ARFIP1: variants seen among roughly 807,000 people sequenced by gnomAD.
The protein encoded by ARFIP1 is arfaptin-1.
Under a neutral mutation model 42.5 loss-of-function variants are expected in ARFIP1, and 24 were observed. That is an observed-to-expected ratio of 0.57 (90% CI 0.41 to 0.80). The LOEUF (loss-of-function observed/expected upper bound fraction) is 0.80. ARFIP1 is among the 30% of genes least tolerant of loss of function. ARFIP1 has a pLI of 0.00. For missense variants in ARFIP1, 354 were observed against 434.0 expected, an observed-to-expected ratio of 0.82 and a Z score of 1.64; for synonymous variants, 141 against 153.7, an observed-to-expected ratio of 0.92 and a Z score of 0.61.
chr4:152,808,794 C>T (rs145700168), intron 1 of ARFIP1, among the ~76,000 whole-genome samples: 3 of 152,232 alleles, frequency 2.0e-5, no homozygotes, highest in African/African-American at 7.2e-5. Flanking sequence ...TGGAGCCGGG[C>T]GTGGTGGCTT....
intron 1 of ARFIP1, chr4:152,796,230 A>G (rs1731461729): frequency 1.1e-6 from 1 of 898,684 alleles, no homozygotes; most frequent in Admixed American, 1.9e-5. Context: ...TACAGCGGGA[A>G]TGACGGATTC....
At chr4:152,817,280 A>C (rs1381157194) in intron 1 of ARFIP1, among the ~76,000 whole-genome samples, 2 of 152,344 alleles carry the variant, frequency 1.3e-5, no homozygotes, top group African/African-American at 4.8e-5. Context: ...CAGTAGCCAC[A>C]AATAATCTAG....
At chr4:152,902,215 T>C (rs1737895570) in intron 8 of ARFIP1, among the ~76,000 whole-genome samples, 2 of 152,210 alleles carry the variant, frequency 1.3e-5, no homozygotes, top group Admixed American at 6.5e-5. Flanking sequence ...CTTAAGACTG[T>C]ACAAGGCCAA....
intron 1 of ARFIP1, among the ~76,000 whole-genome samples, chr4:152,826,533 C>T (rs558747991): frequency 1.6e-4 from 25 of 152,156 alleles, no homozygotes; most frequent in Middle Eastern, 3.4e-3. Flanking sequence ...TGTACACTAC[C>T]GGGGTGACGG....
intron 2 of ARFIP1, among the ~76,000 whole-genome samples, chr4:152,847,420 A>T (rs1253563885): frequency 6.6e-6 from 1 of 151,934 alleles, no homozygotes; most frequent in Non-Finnish European, 1.5e-5. Context: ...GGCATGAGCC[A>T]CTGCACCCGG....
chr4:152,804,121 T>A (rs187960819), intron 1 of ARFIP1, among the ~76,000 whole-genome samples: 167 of 107,838 alleles, frequency 1.5e-3, no homozygotes, highest in South Asian at 3.7e-3. Context: ...ATAACATGTA[T>A]TATATATTAT....
rs932364090 is a variant in ARFIP1 at position 152,797,791 on chromosome 4, T to C, written c.-10+17565T>C. The stretch of plus-strand genomic sequence containing the variant: ...TTTTGTATGTTAATTATCTTGCTAC[T>C]TCATTGAATTTTATTTTTGAGTTAA... On this transcript the variant is annotated intron_variant, in intron 1 of 8. Transcript: ENST00000353617. 2.6e-5 allele frequency among the ~76,000 whole-genome samples: 4 copies of C among 152,362 alleles called. No individual in the cohort carries two copies. In the South Asian group the frequency reaches 8.3e-4, roughly 32 times the overall value.
intron 8 of ARFIP1, among the ~76,000 whole-genome samples, chr4:152,893,591 A>G (rs1433931216): frequency 6.6e-6 from 1 of 152,092 alleles, no homozygotes; most frequent in African/African-American, 2.4e-5. Context: ...AGTTTGGGGT[A>G]TAAATATAAA....
chr4:152,796,783 T>TC (rs1032826125), intron 1 of ARFIP1: 6 of 710,818 alleles, frequency 8.4e-6, no homozygotes, highest in Non-Finnish European at 1.6e-5. Flanking sequence ...CTCATGGTAA[T>TC]CCAAATGGTA....
intron 8 of ARFIP1, among the ~76,000 whole-genome samples, chr4:152,905,552 T>TTTTTTTTTTTG (rs1738267484): frequency 9.2e-6 from 1 of 108,630 alleles, no homozygotes; most frequent in Non-Finnish European, 1.9e-5. Context: ...ATTGTTTTTT[T>TTTTTTTTTTTG]TTTTTTTTTT....
At chr4:152,852,409 T>C (rs61021528) in intron 2 of ARFIP1, among the ~76,000 whole-genome samples, 5,443 of 152,108 alleles carry the variant, frequency 0.036, 152 homozygotes, top group South Asian at 0.079. Context: ...GGCGGGCGGA[T>C]TGTCAGAGCT....
intron 1 of ARFIP1, among the ~76,000 whole-genome samples, chr4:152,806,406 A>G (rs1728997867): frequency 6.6e-6 from 1 of 152,116 alleles, no homozygotes; most frequent in Non-Finnish European, 1.5e-5. Flanking sequence ...ACCTCCCGCC[A>G]CCAGACTGGT....
intron 8 of ARFIP1, among the ~76,000 whole-genome samples, chr4:152,891,150 G>A (rs1038504321): frequency 5.9e-5 from 9 of 152,150 alleles, no homozygotes; most frequent in African/African-American, 1.9e-4. Flanking sequence ...CCTCCCAAAG[G>A]TGATTAGTAC....
At chr4:152,804,129 T>A (rs28398251) in intron 1 of ARFIP1, among the ~76,000 whole-genome samples, 56 of 118,270 alleles carry the variant, frequency 4.7e-4, no homozygotes, top group African/African-American at 1.7e-3. Context: ...TATTATATAT[T>A]ATATATAATA....
chr4:152,868,181 A>T (rs1734565769), intron 3 of ARFIP1, among the ~76,000 whole-genome samples: 1 of 152,226 alleles, frequency 6.6e-6, no homozygotes, highest in Admixed American at 6.5e-5. Flanking sequence ...CAAATATTGA[A>T]ATCGGCCTAG....
At chr4:152,899,358 A>G (rs921073196) in intron 8 of ARFIP1, among the ~76,000 whole-genome samples, 3 of 152,114 alleles carry the variant, frequency 2.0e-5, no homozygotes, top group African/African-American at 7.2e-5. Flanking sequence ...CACTACCCCT[A>G]ACTGTAACTA....
At position 152,863,686 on chromosome 4, in the gene ARFIP1, G is replaced by A. The variant is rs994892017; in HGVS notation, c.174G>A (p.Glu58=). The change falls in exon 3 of 9, where the codon GAG becomes GAA. Residue 58 remains glutamate, a synonymous_variant. Coordinates refer to ENST00000353617, the MANE Select transcript of ARFIP1 (RefSeq NM_001025595.3). ...CTCATGGCTTTGACAATACCAAAGAGGGTGTTATTGAAGCAGGAGCATTTC... is the reference window on the plus strand; with the variant it reads ...CTCATGGCTTTGACAATACCAAAGAAGGTGTTATTGAAGCAGGAGCATTTC... The part of the protein sequence containing the change: ...ITSHGFDNTK[E]GVIEAGAFQG... The A allele has an allele frequency of 2.5e-6, 4 of 1,609,396 alleles. No homozygotes were observed. The highest frequency in any genetic ancestry group is 3.4e-6 in the Non-Finnish European group (4 of 1,176,140).
intron 1 of ARFIP1, among the ~76,000 whole-genome samples, chr4:152,814,053 A>C (rs1252236394): frequency 6.7e-6 from 1 of 149,942 alleles, no homozygotes; most frequent in African/African-American, 2.4e-5. Context: ...CTAGGTGGAC[A>C]GTTTTTCTTT....
At chr4:152,908,567 G>A (rs1000964679) in intron 8 of ARFIP1, among the ~76,000 whole-genome samples, 1 of 151,888 alleles carries the variant, frequency 6.6e-6, no homozygotes, top group African/African-American at 2.4e-5. Flanking sequence ...CTGAGATGGC[G>A]CCACTGCACT....
Sources: allele counts gnomAD v4.1 joint callset (sites outside exome capture counted in the v4.1 genomes callset), GRCh38; gene constraint gnomAD v4.1.1; transcripts MANE v1.5; gene names NCBI Gene and HGNC (gene_info 2026-07-23, HGNC 2026-07-21).